Variants in RGS8 observed in about 807,000 individuals in gnomAD.
The protein encoded by RGS8 is regulator of G-protein signaling 8.
RGS8 carries 8 observed loss-of-function variants against 21.7 expected under a neutral mutation model. The ratio of observed to expected loss-of-function variants is 0.37; its 90% CI spans 0.22 to 0.66. The LOEUF (loss-of-function observed/expected upper bound fraction) is 0.66, where lower values mean the gene tolerates loss of function less well. Among genes scored for constraint, RGS8 ranks in the 30% least tolerant of loss-of-function variants. The pLI is 0.59. For missense variants in RGS8, 157 were observed against 217.9 expected (o/e 0.72, Z 1.76); for synonymous variants, 80 against 83.6 (o/e 0.96, Z 0.24).
chr1:182,713,754 A>G, the RGS8 span, among the ~76,000 whole-genome samples: 1 of 152,180 alleles, frequency 6.6e-6, no homozygotes, highest in Non-Finnish European at 1.5e-5. Context: ...GTGCCTGGAA[A>G]TACTACATCT....
intron 2 of RGS8, 85 bp from the exon 4 acceptor site, chr1:182,669,837 CG>C (rs1664067846): frequency 7.2e-7 from 1 of 1,394,276 alleles, no homozygotes; most frequent in Admixed American, 2.8e-5. Context: ...TTTCCGCCAG[CG>C]GAACACCTCC....
the RGS8 span, among the ~76,000 whole-genome samples, chr1:182,704,647 T>C: frequency 3.9e-4 from 60 of 152,230 alleles, 1 homozygote; most frequent in Admixed American, 2.1e-3. Flanking sequence ...ATTTCCATGG[T>C]GGAAAGAGGA....
At chr1:182,647,774 A>G (rs565333220) in intron 6 of RGS8, among the ~76,000 whole-genome samples, 11 of 152,322 alleles carry the variant, frequency 7.2e-5, no homozygotes, top group African/African-American at 2.2e-4. Context: ...TAAGTGGTGG[A>G]GCTAAAATTG....
the RGS8 span, among the ~76,000 whole-genome samples, chr1:182,748,092 A>G: frequency 6.6e-6 from 1 of 152,202 alleles, no homozygotes; most frequent in East Asian, 1.9e-4. Context: ...ACATTACCTC[A>G]CCTAGTTATC....
intron 5 of RGS8, among the ~76,000 whole-genome samples, chr1:182,656,875 C>T (rs977965505): frequency 1.3e-5 from 2 of 152,226 alleles, no homozygotes; most frequent in Admixed American, 1.3e-4. Context: ...CCTCACCCCT[C>T]CTCCTCTGCT....
chr1:182,667,788 T>A (rs763702333), intron 3 of RGS8, among the ~76,000 whole-genome samples: 3 of 152,244 alleles, frequency 2.0e-5, no homozygotes, highest in Non-Finnish European at 4.4e-5. Flanking sequence ...GTTACTCTAA[T>A]GTCTCTTTCT....
intron 4 of RGS8, 108 bp from the exon 6 acceptor site, chr1:182,666,141 G>A: frequency 1.2e-6 from 1 of 848,790 alleles, no homozygotes; most frequent in South Asian, 1.5e-5. Flanking sequence ...GTGGGGAAGG[G>A]TGCAGGGAGC....
rs962025391 is a variant in RGS8 at position 182,684,276 on chromosome 1, C to T, written n.221+80G>A. Reference sequence around the variant, plus strand: ...CTGCCCTGCAGTGCCCTGCACCTCTCAGCAAGACTTATAGCCTGGGCTGAC... The same window carrying T: ...CTGCCCTGCAGTGCCCTGCACCTCTTAGCAAGACTTATAGCCTGGGCTGAC... On this transcript the variant is annotated intron_variant and non_coding_transcript_variant, in intron 1 of 4. Transcript: ENST00000515211. This position sits in a 1 kb window ranked among gnomAD's most constrained non-coding sequence, Gnocchi z 4.2. The T allele has an allele frequency of 2.6e-5, 4 of 152,382 alleles. No individual in the cohort carries two copies. Among genetic ancestry groups the T allele is most frequent in the Non-Finnish European group, 4.4e-5 (3 of 68,154 alleles). The allele number at this position is 152,382 out of a possible 1,614,324, so 9.4% of individuals were successfully genotyped here. A position where few individuals can be genotyped will look rare whatever the true frequency, so the allele number is the denominator to read the frequency against.
chr1:182,669,831 C>T (rs1017278814), intron 2 of RGS8, 79 bp from the exon 4 acceptor site: 6 of 1,427,154 alleles, frequency 4.2e-6, no homozygotes, highest in South Asian at 1.5e-5. Flanking sequence ...GACGGGTTTC[C>T]GCCAGCGGAA....
At chr1:182,662,596 T>C (rs996474762) in intron 5 of RGS8, among the ~76,000 whole-genome samples, 2 of 152,248 alleles carry the variant, frequency 1.3e-5, no homozygotes, top group African/African-American at 2.4e-5. Flanking sequence ...GAAACCATGC[T>C]GTAAACCAAA....
At chr1:182,720,202 C>T in the RGS8 span, among the ~76,000 whole-genome samples, 2 of 152,036 alleles carry the variant, frequency 1.3e-5, no homozygotes, top group East Asian at 3.9e-4. Context: ...TTTCCTCTAC[C>T]TCCCTCAGAG....
At chr1:182,659,695 T>C (rs1464748507) in intron 5 of RGS8, among the ~76,000 whole-genome samples, 1 of 152,112 alleles carries the variant, frequency 6.6e-6, no homozygotes, top group African/African-American at 2.4e-5. Flanking sequence ...TGAGACTCCG[T>C]ACCCCGCCCC....
downstream of RGS8, chr1:182,642,509 T>G (rs1662512038): frequency 6.6e-6 from 1 of 152,384 alleles, no homozygotes; most frequent in African/African-American, 2.4e-5. Context: ...CACGGAGAAG[T>G]AGACACCATG....
the RGS8 span, among the ~76,000 whole-genome samples, chr1:182,741,763 C>T: frequency 1.4e-4 from 15 of 107,216 alleles, no homozygotes; most frequent in South Asian, 5.8e-4. Context: ...CTGACCCCCC[C>T]ACCTCCCTCC....
the RGS8 span, among the ~76,000 whole-genome samples, chr1:182,745,963 C>T: frequency 1.3e-5 from 2 of 152,170 alleles, no homozygotes; most frequent in African/African-American, 2.4e-5. Context: ...ATTTTTCCCA[C>T]ATGTACATCA....
the RGS8 span, among the ~76,000 whole-genome samples, chr1:182,692,705 G>A: frequency 6.9e-6 from 1 of 145,152 alleles, no homozygotes; most frequent in Non-Finnish European, 1.5e-5. Context: ...AAAAGCTGGA[G>A]GTATCACACT....
chr1:182,736,022 A>G, the RGS8 span, among the ~76,000 whole-genome samples: 1 of 152,210 alleles, frequency 6.6e-6, no homozygotes, highest in African/African-American at 2.4e-5. Context: ...TGTACCACCT[A>G]TACCATTGCT....
chr1:182,649,293 C>T (rs1001560282), intron 5 of RGS8, among the ~76,000 whole-genome samples: 29 of 152,170 alleles, frequency 1.9e-4, no homozygotes, highest in African/African-American at 6.7e-4. Flanking sequence ...CAACTTGTTA[C>T]AAGATGAACT....
chr1:182,695,243 AC>A, the RGS8 span, among the ~76,000 whole-genome samples: 2 of 152,236 alleles, frequency 1.3e-5, no homozygotes, highest in East Asian at 3.8e-4. Context: ...GACTCTGGAA[AC>A]CTACACTGGA....
Sources: allele counts gnomAD v4.1 joint callset (sites outside exome capture counted in the v4.1 genomes callset), GRCh38; gene constraint gnomAD v4.1.1; non-coding constraint Gnocchi (gnomAD v3.1); transcripts MANE v1.5; gene names NCBI Gene and HGNC (gene_info 2026-07-23, HGNC 2026-07-21).